The following NEK6 variants were observed in gnomAD, a reference collection of about 807,000 sequenced individuals.
The protein encoded by NEK6 is NIMA related kinase 6, also known as serine/threonine-protein kinase Nek6.
A neutral mutation model predicts 43.5 loss-of-function variants in NEK6; 27 were observed. The observed-to-expected ratio is 0.62, with a 90% CI of 0.46 to 0.86. NEK6 has a LOEUF of 0.86. Among genes scored for constraint, NEK6 ranks in the 40% least tolerant of loss-of-function variants. The pLI is 0.00. For synonymous variants in NEK6, 167 were observed against 164.1 expected (o/e 1.02, Z -0.14); for missense variants, 318 against 414.4 (o/e 0.77, Z 2.02).
intron 1 of NEK6, 65 bp from the exon 2 acceptor site, chr9:124,301,871 G>GA: frequency 7.5e-7 from 1 of 1,341,582 alleles, no homozygotes; most frequent in Admixed American, 2.0e-5. Flanking sequence ...TGGGGTGAGC[G>GA]AAAGTCCCTC....
chr9:124,320,450 C>T (rs1834011563), intron 4 of NEK6, among the ~76,000 whole-genome samples: 2 of 151,872 alleles, frequency 1.3e-5, no homozygotes, highest in Non-Finnish European at 2.9e-5. Flanking sequence ...GCATCCTTCT[C>T]CCAACGACTT....
At chr9:124,281,198 C>A (rs750844240) in intron 1 of NEK6, among the ~76,000 whole-genome samples, 1 of 152,238 alleles carries the variant, frequency 6.6e-6, no homozygotes, top group Non-Finnish European at 1.5e-5. Context: ...TCACCCAGTA[C>A]TCCGAGAGTG....
chr9:124,341,922 C>T lies in NEK6; in HGVS notation c.717+2257C>T, dbSNP rs556612796. On this transcript the variant is annotated intron_variant, in intron 8 of 9. Coordinates refer to ENST00000320246, the MANE Select transcript of NEK6 (RefSeq NM_014397.6). ...GGGAGGGTGCGTGCCTGTTATTTTG[C>T]GGAGAAGACGTTAAATCCAGGTGGG... Among the ~76,000 whole-genome samples, 35 of 152,278 alleles carry T rather than the reference C, an allele frequency of 2.3e-4. 1 individual carries two copies. In the South Asian group the frequency reaches 6.0e-3, roughly 26 times the overall value.
chr9:124,326,655 G>A lies in NEK6; in HGVS notation c.514+217G>A, dbSNP rs537268629. Among the ~76,000 whole-genome samples the A allele has an allele frequency of 3.9e-5, 6 of 152,292 alleles. No individual in the cohort carries two copies. In the South Asian group the frequency reaches 6.2e-4, roughly 16 times the overall value. On this transcript the variant is annotated intron_variant, in intron 6 of 9. Coordinates refer to ENST00000320246, the MANE Select transcript of NEK6 (RefSeq NM_014397.6). This position sits in a 1 kb window ranked among gnomAD's most constrained non-coding sequence, Gnocchi z 4.5. Reference sequence around the variant, plus strand: ...GTGACATGAGCCCCAGGGGGCAGGGGCCCCGCTTGGCACACCACTTCCAGT... The same window carrying A: ...GTGACATGAGCCCCAGGGGGCAGGGACCCCGCTTGGCACACCACTTCCAGT...
chr9:124,306,245 G>A (rs1425226841), intron 2 of NEK6, among the ~76,000 whole-genome samples: 2 of 152,058 alleles, frequency 1.3e-5, no homozygotes, highest in Non-Finnish European at 1.5e-5. Context: ...TTGTGGTTTC[G>A]CCCTTTATGT....
intron 7 of NEK6, among the ~76,000 whole-genome samples, chr9:124,332,622 AG>A (rs896185114): frequency 6.6e-6 from 1 of 152,206 alleles, no homozygotes; most frequent in African/African-American, 2.4e-5. Flanking sequence ...TCTGGGGAAG[AG>A]GGGCAGCTTG....
rs936870609 is a variant in NEK6 at position 124,324,940 on chromosome 9, C to T, written c.406-1390C>T. Among the ~76,000 whole-genome samples the T allele has an allele frequency of 3.3e-5, 5 of 151,912 alleles. No homozygotes were observed. The highest frequency in any genetic ancestry group is 6.6e-5 in the Admixed American group (1 of 15,258). ...CTGTAATCCCAGCACTTTGGGAGGC[C>T]GAGGCAGGCAGATCACCTGAGGTGA... On this transcript the variant is annotated intron_variant, in intron 5 of 9. Transcript: ENST00000320246. This position sits in a 1 kb window ranked among gnomAD's most constrained non-coding sequence, Gnocchi z 5.3.
At chr9:124,305,170 A>C (rs1486174427) in intron 2 of NEK6, among the ~76,000 whole-genome samples, 1 of 152,236 alleles carries the variant, frequency 6.6e-6, no homozygotes, top group African/African-American at 2.4e-5. Context: ...CTAGGTGTGC[A>C]TTGCACAGGC....
At chr9:124,325,027 T>C (rs889213692) in intron 5 of NEK6, among the ~76,000 whole-genome samples, 3 of 151,910 alleles carry the variant, frequency 2.0e-5, no homozygotes, top group African/African-American at 7.3e-5. Context: ...ATACAAAAAA[T>C]AGCTGGGCGT....
Position 124,317,293 on chromosome 9 carries a change from C to G in NEK6, c.294+3308C>G, listed in dbSNP as rs371369966. Among the ~76,000 whole-genome samples the G allele has an allele frequency of 3.2e-4, 49 of 152,320 alleles. 1 individual carries two copies. The East Asian group carries it at 8.9e-3, about 28-fold the overall frequency. On this transcript the variant is annotated intron_variant, in intron 4 of 9. Coordinates refer to ENST00000320246, the MANE Select transcript of NEK6 (RefSeq NM_014397.6). ...TTGATAACAGGGTCTCGCTCTGTCA[C>G]CCAGGCTGGAGTGCCGTGGTGCGAT...
In NEK6 at chr9:124,347,820, A is replaced by G. The variant is rs760711060; in HGVS notation, c.829A>G (p.Lys277Glu). The G allele has an allele frequency of 3.7e-6, 6 of 1,606,274 alleles. No individual in the cohort carries two copies. The highest frequency in any genetic ancestry group is 5.1e-6 in the Non-Finnish European group (6 of 1,174,070). The change falls in exon 9 of 10, where the codon AAG (lysine) becomes GAG (glutamate). Residue 277 changes from lysine (K) to glutamate (E), a missense_variant and splice_region_variant. Physicochemically the swap from Lys to Glu is moderately conservative, Grantham distance 56. Transcript: ENST00000320246. ...ACTCCCCGGGGAGCACTACTCCGAG[A>G]AGGTGAGTTTGCAGGAGCCGGAGGC... ...PPLPGEHYSE[K>E]LRELVSMCIC... is the part of the protein sequence containing the mutation.
chr9:124,289,538 C>G (rs1832316683), intron 1 of NEK6, among the ~76,000 whole-genome samples: 1 of 152,112 alleles, frequency 6.6e-6, no homozygotes, highest in East Asian at 1.9e-4. Flanking sequence ...CAGGAGGCAT[C>G]CAAGCCACAG....
chr9:124,339,814 C>G (rs1829501178), intron 8 of NEK6, 149 bp downstream of exon 8: 1 of 654,080 alleles, frequency 1.5e-6, no homozygotes, highest in Non-Finnish European at 2.8e-6. Context: ...CCCTGTCCTT[C>G]ACCCTCCTCA....
chr9:124,260,838 A>G (rs1831002533), intron 1 of NEK6, among the ~76,000 whole-genome samples: 3 of 152,178 alleles, frequency 2.0e-5, no homozygotes. Context: ...GAGATGAGAG[A>G]ATGCGCCAAA....
In NEK6 at chr9:124,324,433, G is replaced by A. The variant is rs1480030388; in HGVS notation, c.406-1897G>A. Among the ~76,000 whole-genome samples, 2 of 152,236 alleles carry A rather than the reference G, an allele frequency of 1.3e-5. No homozygotes were observed. Among genetic ancestry groups the A allele is most frequent in the African/African-American group, 4.8e-5 (2 of 41,462 alleles). ...CCATGGTGCCCGAGTTATTTACGAG[G>A]AAGAGTGAAGCTAGGAGCTGCCGTA... On this transcript the variant is annotated intron_variant, in intron 5 of 9. Coordinates refer to ENST00000320246, the MANE Select transcript of NEK6 (RefSeq NM_014397.6). This position sits in a 1 kb window ranked among gnomAD's most constrained non-coding sequence, Gnocchi z 5.3.
At chr9:124,341,436 G>GTC (rs1208871187) in intron 8 of NEK6, among the ~76,000 whole-genome samples, 1 of 6,096 alleles carries the variant, frequency 1.6e-4, no homozygotes, top group Non-Finnish European at 2.1e-3. Context: ...TGACAAGAGG[G>GTC]TGGGACCCCT....
At position 124,352,674 on chromosome 9, in the gene NEK6, G is replaced by C. The variant is rs1484871453; in HGVS notation, c.*1727G>C. 6.6e-6 allele frequency: 1 copy of C among 152,216 alleles called. No individual in the cohort carries two copies. Among genetic ancestry groups the C allele is most frequent in the East Asian group, 1.9e-4 (1 of 5,200 alleles). 9.4% of individuals were successfully genotyped at this position (152,216 alleles called of 1,614,324 possible). A position where few individuals can be genotyped will look rare whatever the true frequency, so the allele number is the denominator to read the frequency against. On this transcript the variant is annotated 3_prime_UTR_variant, in exon 10 of 10. Coordinates refer to ENST00000320246, the MANE Select transcript of NEK6 (RefSeq NM_014397.6). Reference sequence around the variant, plus strand: ...TGCCCCTGGCAGCTGTAACACAGGAGCTGGCCTGAGAGCAGATTCACCCTG... The same window carrying C: ...TGCCCCTGGCAGCTGTAACACAGGACCTGGCCTGAGAGCAGATTCACCCTG...
chr9:124,296,863 A>G (rs1185652653), intron 1 of NEK6, among the ~76,000 whole-genome samples: 6 of 152,216 alleles, frequency 3.9e-5, no homozygotes, highest in Non-Finnish European at 8.8e-5. Flanking sequence ...GCAAGGGCCC[A>G]ATGACAGCCT....
chr9:124,298,617 G>A (rs1250224397), intron 1 of NEK6, among the ~76,000 whole-genome samples: 2 of 152,128 alleles, frequency 1.3e-5, no homozygotes, highest in African/African-American at 4.8e-5. Context: ...TCGGGGTGGA[G>A]CCAGCTGGAG....
Sources: allele counts gnomAD v4.1 joint callset (sites outside exome capture counted in the v4.1 genomes callset), GRCh38; gene constraint gnomAD v4.1.1; non-coding constraint Gnocchi (gnomAD v3.1); transcripts MANE v1.5; gene names NCBI Gene and HGNC (gene_info 2026-07-23, HGNC 2026-07-21).